Variants in NLGN1 observed in about 807,000 individuals in gnomAD.
NLGN1 encodes the protein neuroligin 1, also known as neuroligin-1.
In NLGN1, 12 loss-of-function variants were observed where a neutral mutation model predicts 65.5. The ratio of observed to expected loss-of-function variants is 0.18; its 90% CI spans 0.12 to 0.30. NLGN1 has a LOEUF of 0.30. Ranked by LOEUF, NLGN1 falls within the 10% of genes least tolerant of loss-of-function variation. The pLI is 1.00. For missense variants in NLGN1, 750 were observed against 1,007.1 expected (o/e 0.74, Z 3.46); for synonymous variants, 350 against 359.5 (o/e 0.97, Z 0.30).
chr3:173,447,854 C>A (rs1382445390), intron 2 of NLGN1, among the ~76,000 whole-genome samples: 1 of 152,140 alleles, frequency 6.6e-6, no homozygotes, highest in Non-Finnish European at 1.5e-5. Context: ...TGATTTGGCT[C>A]TCTGTTTGTC....
chr3:174,008,742 A>G (rs892982831), intron 4 of NLGN1, among the ~76,000 whole-genome samples: 1 of 152,122 alleles, frequency 6.6e-6, no homozygotes, highest in African/African-American at 2.4e-5. Context: ...AATCACCTGC[A>G]CAATGAGTAA....
At position 173,467,467 on chromosome 3, in the gene NLGN1, A is replaced by C. The variant is rs534262368; in HGVS notation, c.-321+32389A>C. On this transcript the variant is annotated intron_variant, in intron 2 of 6. Coordinates refer to ENST00000457714, the Ensembl canonical transcript of NLGN1. ...TTTAGACAATTAATGAAGTTGGTCA[A>C]ATTTTAGTGCAAATTGGTCAAACCT... 2.6e-5 allele frequency among the ~76,000 whole-genome samples: 4 copies of C among 152,290 alleles called. No homozygotes were observed. The South Asian group carries it at 8.3e-4, about 32-fold the overall frequency.
At chr3:174,206,302 C>A (rs1735395686) in intron 4 of NLGN1, among the ~76,000 whole-genome samples, 1 of 152,180 alleles carries the variant, frequency 6.6e-6, no homozygotes, top group African/African-American at 2.4e-5. Flanking sequence ...GGGGCGAAAT[C>A]AGATACTGGG....
chr3:173,676,256 C>T (rs11710418), intron 3 of NLGN1, among the ~76,000 whole-genome samples: 28,676 of 152,016 alleles, frequency 0.19, 2,880 homozygotes, highest in African/African-American at 0.24. Context: ...ATGCCTTTGA[C>T]AGACTATAGA....
intron 1 of NLGN1, among the ~76,000 whole-genome samples, chr3:173,428,501 C>T (rs988367905): frequency 1.3e-5 from 2 of 151,826 alleles, no homozygotes; most frequent in Non-Finnish European, 2.9e-5. Flanking sequence ...GATATAACAA[C>T]TTAAACTGAT....
intron 4 of NLGN1, among the ~76,000 whole-genome samples, chr3:174,212,936 CCTTCT>C (rs1212089603): frequency 2.6e-5 from 4 of 152,186 alleles, no homozygotes; most frequent in African/African-American, 9.7e-5. Context: ...ACCGCTCTGA[CCTTCT>C]CTTCTGCCTT....
chr3:173,406,521 A>G (rs1718698626), intron 1 of NLGN1, among the ~76,000 whole-genome samples: 1 of 148,580 alleles, frequency 6.7e-6, no homozygotes, highest in African/African-American at 2.4e-5. Context: ...TCACATATAT[A>G]TGAATAGATA....
At chr3:174,030,515 C>A (rs1480724719) in intron 4 of NLGN1, among the ~76,000 whole-genome samples, 1 of 152,126 alleles carries the variant, frequency 6.6e-6, no homozygotes, top group Admixed American at 6.5e-5. Flanking sequence ...GTTAAATTTC[C>A]GTGTAAGCTG....
chr3:173,426,070 T>C (rs1716042982), intron 1 of NLGN1, among the ~76,000 whole-genome samples: 1 of 152,120 alleles, frequency 6.6e-6, no homozygotes, highest in South Asian at 2.1e-4. Context: ...TATTCCTAGG[T>C]ATTTTATTTT....
chr3:173,761,000 A>G (rs1777893822), intron 3 of NLGN1, among the ~76,000 whole-genome samples: 1 of 151,990 alleles, frequency 6.6e-6, no homozygotes, highest in Non-Finnish European at 1.5e-5. Context: ...GCCTATAACA[A>G]TTTTTAGAGA....
At chr3:173,753,975 A>G (rs1023091689) in intron 3 of NLGN1, among the ~76,000 whole-genome samples, 63 of 146,060 alleles carry the variant, frequency 4.3e-4, no homozygotes, top group African/African-American at 1.6e-3. Flanking sequence ...ATAATATAAT[A>G]TCTACTCAGT....
intron 4 of NLGN1, among the ~76,000 whole-genome samples, chr3:174,098,242 T>C (rs1208358197): frequency 4.6e-5 from 7 of 152,210 alleles, no homozygotes. Flanking sequence ...TTTCCTTCAA[T>C]TGTGGCTGTG....
rs964053298 is a variant in NLGN1 at position 173,787,726 on chromosome 3, T to C, written c.494-19954T>C. 2.6e-5 allele frequency among the ~76,000 whole-genome samples: 4 copies of C among 152,210 alleles called. No individual in the cohort carries two copies. The South Asian group carries it at 6.2e-4, about 24-fold the overall frequency. On this transcript the variant is annotated intron_variant, in intron 3 of 6. Transcript: ENST00000457714. The stretch of plus-strand genomic sequence containing the variant: ...GCATGTTTACATTTTGAAGATCAAA[T>C]ACCTTAATTTGCTCATGGGTTTCCC...
Position 173,501,206 on chromosome 3 carries a change from A to C in NLGN1, c.-321+66128A>C, listed in dbSNP as rs544242048. Among the ~76,000 whole-genome samples the C allele has an allele frequency of 1.7e-3, 261 of 152,098 alleles. 10 individuals are homozygous for C. In the South Asian group the frequency reaches 0.052, roughly 30 times the overall value. On this transcript the variant is annotated intron_variant, in intron 2 of 6. Coordinates refer to ENST00000457714, the Ensembl canonical transcript of NLGN1. ...TGCTGCGCCTATCAACCCATCATCT[A>C]GGTATTAAGCCCTGCATGCATCAGC... is the stretch of plus-strand genomic sequence containing the variant.
intron 2 of NLGN1, among the ~76,000 whole-genome samples, chr3:173,532,074 A>C (rs944212152): frequency 6.6e-6 from 1 of 152,152 alleles, no homozygotes; most frequent in Non-Finnish European, 1.5e-5. Context: ...CTCTTAACTC[A>C]TGAATTCGCC....
intron 4 of NLGN1, among the ~76,000 whole-genome samples, chr3:174,017,814 G>A (rs1483239813): frequency 1.3e-5 from 2 of 152,138 alleles, no homozygotes; most frequent in Non-Finnish European, 2.9e-5. Context: ...TGGAGGCAGG[G>A]TGAGATCACA....
chr3:174,016,353 A>G (rs886493134), intron 4 of NLGN1, among the ~76,000 whole-genome samples: 1 of 152,224 alleles, frequency 6.6e-6, no homozygotes, highest in African/African-American at 2.4e-5. Flanking sequence ...CACAGCAATC[A>G]TTACTCAGAC....
rs1741077923 is a variant in NLGN1 at position 174,233,328 on chromosome 3, A to G, written c.647-41987A>G. Among the ~76,000 whole-genome samples, 4 of 152,084 alleles carry G rather than the reference A, an allele frequency of 2.6e-5. No homozygotes were observed. The South Asian group carries it at 8.3e-4, about 32-fold the overall frequency. On this transcript the variant is annotated intron_variant, in intron 4 of 6. Coordinates refer to ENST00000457714, the Ensembl canonical transcript of NLGN1. ...GGAGAACCTCGTCTCTATTAAAAAT[A>G]TTAAAAAATTAGCTGGGAGTGGTGG...
intron 3 of NLGN1, among the ~76,000 whole-genome samples, chr3:173,802,731 AC>A (rs1393952023): frequency 6.6e-6 from 1 of 151,768 alleles, no homozygotes; most frequent in East Asian, 1.9e-4. Flanking sequence ...GAAATTCCCC[AC>A]CCAGTTCCCC....
Sources: allele counts gnomAD v4.1 joint callset (sites outside exome capture counted in the v4.1 genomes callset), GRCh38; gene constraint gnomAD v4.1.1; transcripts MANE v1.5; gene names NCBI Gene and HGNC (gene_info 2026-07-23, HGNC 2026-07-21).